Variants in ANKS1B observed in about 807,000 individuals in gnomAD.
ANKS1B encodes ankyrin repeat and sterile alpha motif domain containing 1B, also known as ankyrin repeat and sterile alpha motif domain-containing protein 1B.
Under a neutral mutation model 148.3 loss-of-function variants are expected in ANKS1B, and 36 were observed. That is an observed-to-expected ratio of 0.24 (90% confidence interval 0.19 to 0.32). The LOEUF (loss-of-function observed/expected upper bound fraction) is 0.32, where lower values mean the gene tolerates loss of function less well. Ranked by LOEUF, ANKS1B falls within the 10% of genes least tolerant of loss-of-function variation. The pLI is 1.00. For synonymous variants in ANKS1B, 542 were observed against 560.8 expected (o/e 0.97, Z 0.47); for missense variants, 1,157 against 1,542.6 (o/e 0.75, Z 4.19).
intron 17 of ANKS1B, among the ~76,000 whole-genome samples, chr12:99,035,852 A>G (rs762504246): frequency 2.6e-5 from 4 of 152,136 alleles, no homozygotes; most frequent in Non-Finnish European, 5.9e-5. Flanking sequence ...GGTTAATGAT[A>G]AGCACGTGGC....
At chr12:99,130,583 C>T (rs1436326839) in intron 15 of ANKS1B, among the ~76,000 whole-genome samples, 1 of 152,092 alleles carries the variant, frequency 6.6e-6, no homozygotes, top group African/African-American at 2.4e-5. Flanking sequence ...TTCCTGTGTC[C>T]TTCTTCCCTC....
rs567562717 is a variant in ANKS1B, at chr12:98,749,061, G to A, written c.3747+2294C>T. On this transcript the variant is annotated intron_variant, in intron 26 of 26. Transcript: ENST00000683438. ...GAACACCTGCTATGGGCCTGGTTCC[G>A]GTGGTGACAACACAGGTGGGGTCCC... Among the ~76,000 whole-genome samples the A allele has an allele frequency of 2.3e-4, 35 of 152,162 alleles. No homozygotes were observed. The Middle Eastern group carries it at 0.017, about 74-fold the overall frequency.
intron 16 of ANKS1B, 69 bp downstream of exon 16, chr12:99,084,856 C>T: frequency 8.1e-7 from 1 of 1,229,676 alleles, no homozygotes; most frequent in South Asian, 1.4e-5. Flanking sequence ...TACAAATACT[C>T]CTTGCATGCC....
intron 9 of ANKS1B, among the ~76,000 whole-genome samples, chr12:99,550,410 G>C (rs529648378): frequency 6.6e-6 from 1 of 152,174 alleles, no homozygotes; most frequent in East Asian, 1.9e-4. Context: ...GATCAATTGA[G>C]GTCAGGAGTT....
chr12:98,971,468 C>T (rs2099883050), intron 17 of ANKS1B, among the ~76,000 whole-genome samples: 1 of 152,172 alleles, frequency 6.6e-6, no homozygotes, highest in Non-Finnish European at 1.5e-5. Context: ...ATATGTTTGT[C>T]ATTATGATTA....
At position 99,048,182 on chromosome 12, in the gene ANKS1B, T is replaced by C. The variant is rs543404098; in HGVS notation, c.2778+4975A>G. On this transcript the variant is annotated intron_variant, in intron 17 of 26. Transcript: ENST00000683438. The stretch of plus-strand genomic sequence containing the variant: ...TGGAGGTGGCTTCTTCAGAGGAAAT[T>C]TGGAATGTTTTAATTTTAATCACGA... Among the ~76,000 whole-genome samples the C allele has an allele frequency of 3.9e-5, 6 of 152,274 alleles. No homozygotes were observed. The South Asian group carries it at 1.2e-3, about 32-fold the overall frequency.
chr12:98,765,811 G>C (rs1448769415), intron 25 of ANKS1B, among the ~76,000 whole-genome samples: 1 of 152,218 alleles, frequency 6.6e-6, no homozygotes, highest in African/African-American at 2.4e-5. Flanking sequence ...GGCCAGGCTA[G>C]TCTGGGACTC....
chr12:99,630,498 G>A (rs537881463), intron 9 of ANKS1B, among the ~76,000 whole-genome samples: 1 of 152,192 alleles, frequency 6.6e-6, no homozygotes, highest in South Asian at 2.1e-4. Flanking sequence ...AAATAAGTTG[G>A]TATATTCACC....
chr12:99,272,215 G>A (rs1297976743), intron 12 of ANKS1B, among the ~76,000 whole-genome samples: 5 of 152,124 alleles, frequency 3.3e-5, no homozygotes, highest in African/African-American at 9.7e-5. Context: ...ATAAGTGATT[G>A]CTATAAAAGA....
chr12:98,745,374 A>AAT lies in ANKS1B; in HGVS notation c.*364_*365insAT. On this transcript the variant is annotated 3_prime_UTR_variant, in exon 27 of 27. Transcript: ENST00000683438. ...TTAGGCAGTATTAGAGATCCCCTTT[A>AAT]CTTTTTTTTTTTTTTTTTTTTTTTT... 1 of 748,610 alleles carries AAT rather than the reference A, an allele frequency of 1.3e-6. No individual in the cohort carries two copies. Among genetic ancestry groups the AAT allele is most frequent in the African/African-American group, 3.0e-5 (1 of 32,992 alleles). The allele number at this position is 748,610 out of a possible 1,614,324, so 46.4% of individuals were successfully genotyped here.
intron 15 of ANKS1B, among the ~76,000 whole-genome samples, chr12:99,107,348 C>T (rs2059437634): frequency 6.6e-6 from 1 of 152,030 alleles, no homozygotes; most frequent in South Asian, 2.1e-4. Context: ...CACTCCTGCA[C>T]AGAGAAGCCA....
intron 9 of ANKS1B, among the ~76,000 whole-genome samples, chr12:99,618,690 T>C (rs1464786860): frequency 1.3e-5 from 2 of 151,888 alleles, no homozygotes; most frequent in Non-Finnish European, 2.9e-5. Context: ...GCCTTGGAAA[T>C]AACTTGGGAA....
intron 17 of ANKS1B, among the ~76,000 whole-genome samples, chr12:98,930,841 C>T (rs1366865189): frequency 3.3e-5 from 5 of 151,992 alleles, no homozygotes; most frequent in African/African-American, 7.3e-5. Flanking sequence ...TCTGTGAGTA[C>T]ACGAAAACCA....
At position 98,773,137 on chromosome 12, in the gene ANKS1B, C is replaced by A; in HGVS notation, c.3484G>T (p.Ala1162Ser). 1.2e-6 allele frequency: 2 copies of A among 1,613,176 alleles called. No individual in the cohort carries two copies. Among genetic ancestry groups the A allele is most frequent in the Non-Finnish European group, 1.7e-6 (2 of 1,179,662 alleles). ...EHEIRNISCA[A>S]QDPEDLSTFA... ...GTTGAGAGGTCTTCTGGGTCCTGGGCAGCACAGGAGATATTACGAATTTCA... is the reference window on the plus strand; with the variant it reads ...GTTGAGAGGTCTTCTGGGTCCTGGGAAGCACAGGAGATATTACGAATTTCA... Residue 1162 changes from alanine to serine, a missense_variant, in exon 25 of 27, where the codon GCC becomes TCC. Physicochemically the swap from Ala to Ser is moderately conservative, Grantham distance 99. Coordinates refer to ENST00000683438, the MANE Select transcript of ANKS1B (RefSeq NM_001352186.2).
At chr12:99,431,497 C>A (rs1451565271) in intron 11 of ANKS1B, among the ~76,000 whole-genome samples, 7 of 152,190 alleles carry the variant, frequency 4.6e-5, no homozygotes, top group African/African-American at 1.4e-4. Flanking sequence ...TTTTGTGCAT[C>A]ACTAGTTGTG....
intron 1 of ANKS1B, among the ~76,000 whole-genome samples, chr12:99,983,008 A>G (rs1275800818): frequency 6.6e-6 from 1 of 152,240 alleles, no homozygotes; most frequent in South Asian, 2.1e-4. Flanking sequence ...AAAAGTTTCT[A>G]TTAAGCACTT....
chr12:99,326,176 G>C (rs1602966007), intron 12 of ANKS1B, among the ~76,000 whole-genome samples: 2 of 152,178 alleles, frequency 1.3e-5, no homozygotes, highest in African/African-American at 4.8e-5. Context: ...TATAATTCAA[G>C]ATGAGACTGG....
At chr12:99,358,870 C>CA (rs982950350) in intron 12 of ANKS1B, among the ~76,000 whole-genome samples, 29 of 152,088 alleles carry the variant, frequency 1.9e-4, no homozygotes, top group African/African-American at 6.8e-4. Flanking sequence ...TAGAACTAAA[C>CA]AAACAAGCAG....
intron 10 of ANKS1B, among the ~76,000 whole-genome samples, chr12:99,453,462 C>A (rs1384603999): frequency 1.3e-5 from 2 of 152,148 alleles, no homozygotes; most frequent in African/African-American, 4.8e-5. Flanking sequence ...GCCTACGTGG[C>A]ATGGTAAGGA....
Sources: allele counts gnomAD v4.1 joint callset (sites outside exome capture counted in the v4.1 genomes callset), GRCh38; gene constraint gnomAD v4.1.1; transcripts MANE v1.5; gene names NCBI Gene and HGNC (gene_info 2026-07-23, HGNC 2026-07-21).